Variants in UFL1 observed in about 807,000 individuals in gnomAD.
UFL1 encodes UFM1 specific ligase 1.
In UFL1, 78 loss-of-function variants were observed where a neutral mutation model predicts 99.3. That is an observed-to-expected ratio of 0.79 (90% CI 0.65 to 0.95). UFL1 has a LOEUF of 0.95. UFL1 is among the 40% of genes least tolerant of loss of function. The pLI is 0.00. For missense variants in UFL1, 936 were observed against 937.0 expected (o/e 1.00, Z 0.01); for synonymous variants, 335 against 322.2 (o/e 1.04, Z -0.42).
chr6:96,539,160 T>C (rs1769895521), intron 10 of UFL1, among the ~76,000 whole-genome samples: 1 of 151,684 alleles, frequency 6.6e-6, no homozygotes, highest in South Asian at 2.1e-4. Flanking sequence ...TGTCAACCAA[T>C]ACACAATATA....
At chr6:96,522,426 G>A (rs556963712) in intron 1 of UFL1, among the ~76,000 whole-genome samples, 6 of 152,106 alleles carry the variant, frequency 3.9e-5, no homozygotes, top group Non-Finnish European at 2.9e-5. Flanking sequence ...CAGACCTAGG[G>A]CTAGACCCCT....
Position 96,525,389 on chromosome 6 carries a change from A to G in UFL1, c.345A>G (p.Ile115Met). ...KHVQLVLGQL[I>M]DENYLDRLAE... ...TTCAGTTAGTGTTGGGACAACTGAT[A>G]GATGAGTAAGTACAATAAAGTACAA... Residue 115 changes from isoleucine (I) to methionine (M), a missense_variant, in exon 4 of 19, where the codon ATA (isoleucine) becomes ATG (methionine). Transcript: ENST00000369278. 3 of 1,595,426 alleles carry G rather than the reference A, an allele frequency of 1.9e-6. No homozygotes were observed. The highest frequency in any genetic ancestry group is 2.6e-6 in the Non-Finnish European group (3 of 1,168,152).
In UFL1 at chr6:96,538,688, A is replaced by G. The variant is rs762774333; in HGVS notation, c.1036A>G (p.Met346Val). Reference protein sequence around the residue: ...EDAAILLQQVMRAFSKQASTV... With the variant: ...EDAAILLQQVVRAFSKQASTV... ...TGCTGCCATATTGCTTCAGCAGGTGATGAGGGCATTCAGCAAACAGGCCTC... is the reference window on the plus strand; with the variant it reads ...TGCTGCCATATTGCTTCAGCAGGTGGTGAGGGCATTCAGCAAACAGGCCTC... The change falls in exon 10 of 19, where the codon ATG becomes GTG. Residue 346 changes from methionine (M) to valine (V), a missense_variant. By Grantham distance (21) the Met-to-Val change is conservative (BLOSUM62 1). Coordinates refer to ENST00000369278, the MANE Select transcript of UFL1 (RefSeq NM_015323.5). 6.2e-7 allele frequency: 1 copy of G among 1,611,658 alleles called. No homozygotes were observed. The highest frequency in any genetic ancestry group is 8.5e-7 in the Non-Finnish European group (1 of 1,178,414).
chr6:96,545,352 T>G (rs887146608), intron 12 of UFL1, among the ~76,000 whole-genome samples: 9 of 151,116 alleles, frequency 6.0e-5, no homozygotes, highest in Non-Finnish European at 1.2e-4. Flanking sequence ...AGTAAATGGG[T>G]AGGCATGACA....
intron 6 of UFL1, among the ~76,000 whole-genome samples, chr6:96,531,991 A>G (rs776335867): frequency 6.6e-6 from 1 of 152,222 alleles, no homozygotes; most frequent in Admixed American, 6.5e-5. Flanking sequence ...AGACACCTGC[A>G]TCTCTGACTT....
chr6:96,551,538 C>T, intron 16 of UFL1, 25 bp downstream of exon 16: 1 of 1,378,338 alleles, frequency 7.3e-7, no homozygotes, highest in South Asian at 1.4e-5. Flanking sequence ...ATTCTATTTA[C>T]ATGTCAGGGC....
rs1482713916 is a variant in UFL1, at chr6:96,538,719, T to C, written c.1067T>C (p.Val356Ala). The C allele has an allele frequency of 1.2e-6, 2 of 1,611,686 alleles. No homozygotes were observed. Among genetic ancestry groups the C allele is most frequent in the Admixed American group, 1.7e-5 (1 of 59,694 alleles). The stretch of plus-strand genomic sequence containing the variant: ...GCATTCAGCAAACAGGCCTCAACTG[T>C]AGTCTTTAGCGACACTGTTGTAGTC... The part of the protein sequence containing the change: ...MRAFSKQAST[V>A]VFSDTVVVSE... Residue 356 changes from valine to alanine, a missense_variant, in exon 10 of 19, where the codon GTA becomes GCA. Physicochemically the swap from Val to Ala is moderately conservative, Grantham distance 64. Coordinates refer to ENST00000369278, the MANE Select transcript of UFL1 (RefSeq NM_015323.5).
At chr6:96,524,931 A>C (rs540392784) in intron 3 of UFL1, among the ~76,000 whole-genome samples, 2 of 152,354 alleles carry the variant, frequency 1.3e-5, no homozygotes, top group Admixed American at 1.3e-4. Context: ...ACTGCTTTAT[A>C]TAAACTTACT....
At position 96,538,675 on chromosome 6, in the gene UFL1, G is replaced by T; in HGVS notation, c.1023G>T (p.Leu341Phe). 6.2e-7 allele frequency: 1 copy of T among 1,611,406 alleles called. No individual in the cohort carries two copies. Among genetic ancestry groups the T allele is most frequent in the African/African-American group, 1.3e-5 (1 of 74,838 alleles). ...TATCAGTTGAAGATGCTGCCATATT[G>T]CTTCAGCAGGTGATGAGGGCATTCA... ...TSLSVEDAAI[L>F]LQQVMRAFSK... Residue 341 changes from leucine (L) to phenylalanine (F), a missense_variant, in exon 10 of 19, where the codon TTG becomes TTT. Physicochemically the swap from Leu to Phe is conservative, Grantham distance 22. Coordinates refer to ENST00000369278, the MANE Select transcript of UFL1 (RefSeq NM_015323.5).
Sources: allele counts gnomAD v4.1 joint callset (sites outside exome capture counted in the v4.1 genomes callset), GRCh38; gene constraint gnomAD v4.1.1; transcripts MANE v1.5; gene names NCBI Gene and HGNC (gene_info 2026-07-23, HGNC 2026-07-21).